VANGL1: variants seen among roughly 807,000 people sequenced by gnomAD.
VANGL1 encodes the protein VANGL planar cell polarity protein 1, also known as vang-like protein 1.
A neutral mutation model predicts 48.4 loss-of-function variants in VANGL1; 18 were observed. The ratio of observed to expected loss-of-function variants is 0.37; its 90% CI spans 0.26 to 0.55. The LOEUF is 0.55. VANGL1 is among the 20% of genes least tolerant of loss of function. The probability of loss-of-function intolerance (pLI) is 0.81; values close to 1 mark genes in which losing one functional copy is unlikely to be tolerated. For synonymous variants in VANGL1, 257 were observed against 261.8 expected (o/e 0.98, Z 0.18); for missense variants, 667 against 675.8 (o/e 0.99, Z 0.14).
chr1:115,645,419 G>T (rs1253051874), intron 1 of VANGL1, among the ~76,000 whole-genome samples: 1 of 152,182 alleles, frequency 6.6e-6, no homozygotes, highest in Non-Finnish European at 1.5e-5. Context: ...GCTAGGCACT[G>T]TTCTAATAAT....
At position 115,663,726 on chromosome 1, in the gene VANGL1, G is replaced by A. The variant is rs1184659387; in HGVS notation, c.270G>A (p.Glu90=). The change falls in exon 4 of 8, where the codon GAG becomes GAA. Residue 90 remains glutamate (E), a synonymous_variant. Transcript: ENST00000355485. The part of the protein sequence containing the change: ...TGTSEHSISQ[E]DIARISKDME... ...CCTCGGAGCACAGCATATCCCAAGA[G>A]GACATTGCCAGGATCAGCAAGGACA... The A allele has an allele frequency of 6.2e-7, 1 of 1,614,054 alleles. No individual in the cohort carries two copies. Among genetic ancestry groups the A allele is most frequent in the Non-Finnish European group, 8.5e-7 (1 of 1,180,030 alleles).
intron 2 of VANGL1, among the ~76,000 whole-genome samples, chr1:115,654,188 G>A (rs1406183666): frequency 6.6e-6 from 1 of 152,092 alleles, no homozygotes; most frequent in African/African-American, 2.4e-5. Context: ...GGTTGGGGTT[G>A]GAGGGGGACC....
At chr1:115,684,365 C>T (rs1360509552) in intron 6 of VANGL1, among the ~76,000 whole-genome samples, 1 of 152,086 alleles carries the variant, frequency 6.6e-6, no homozygotes, top group East Asian at 1.9e-4. Flanking sequence ...GTCTCAAACT[C>T]CTGACCTCGA....
intron 4 of VANGL1, among the ~76,000 whole-genome samples, chr1:115,679,657 C>G (rs1165402896): frequency 2.6e-5 from 4 of 152,250 alleles, no homozygotes; most frequent in African/African-American, 2.4e-5. Context: ...AATGGGATTC[C>G]CTTGACCCCT....
In VANGL1 at chr1:115,679,143, G is replaced by A. The variant is rs541291515; in HGVS notation, c.813-3221G>A. Among the ~76,000 whole-genome samples, 9 of 152,294 alleles carry A rather than the reference G, an allele frequency of 5.9e-5. No homozygotes were observed. In the South Asian group the frequency reaches 1.5e-3, roughly 25 times the overall value. ...TGAGAGCATGCACACTCTTGGAGGC[G>A]TTTATCAACTTCACCCTGAGATCTC... On this transcript the variant is annotated intron_variant, in intron 4 of 7. Coordinates refer to ENST00000355485, the MANE Select transcript of VANGL1 (RefSeq NM_138959.3).
rs1282778826 is a variant in VANGL1 at position 115,694,233 on chromosome 1, A to C, written c.*2854A>C. ...ATACTTTGGCTAAAATTCATAAAGTAAGCCCTAGAGAAAATACTTGACCAC... is the reference window on the plus strand; with the variant it reads ...ATACTTTGGCTAAAATTCATAAAGTCAGCCCTAGAGAAAATACTTGACCAC... On this transcript the variant is annotated 3_prime_UTR_variant, in exon 8 of 8. Transcript: ENST00000355485. 1 of 152,242 alleles carries C rather than the reference A, an allele frequency of 6.6e-6. No homozygotes were observed. The highest frequency in any genetic ancestry group is 1.9e-4 in the East Asian group (1 of 5,196). The allele number at this position is 152,242 out of a possible 1,614,324, so 9.4% of individuals were successfully genotyped here. A position where few individuals can be genotyped will look rare whatever the true frequency, so the allele number is the denominator to read the frequency against.
intron 2 of VANGL1, among the ~76,000 whole-genome samples, chr1:115,656,437 AT>A (rs2101319594): frequency 6.6e-6 from 1 of 152,280 alleles, no homozygotes; most frequent in African/African-American, 2.4e-5. Context: ...GCTGGGAAAA[AT>A]TTTGATTTCT....
intron 7 of VANGL1, among the ~76,000 whole-genome samples, chr1:115,689,187 C>T (rs1217240138): frequency 7.3e-6 from 1 of 137,730 alleles, no homozygotes; most frequent in Non-Finnish European, 1.6e-5. Flanking sequence ...TTTCATTTCT[C>T]TAATTGTTAT....
At chr1:115,661,515 C>T (rs1191411064) in intron 3 of VANGL1, among the ~76,000 whole-genome samples, 1 of 117,900 alleles carries the variant, frequency 8.5e-6, no homozygotes, top group African/African-American at 3.2e-5. Flanking sequence ...TATGTTTCAA[C>T]AGCTTATTCT....
intron 2 of VANGL1, among the ~76,000 whole-genome samples, chr1:115,656,751 A>G (rs1331289844): frequency 6.6e-6 from 1 of 152,222 alleles, no homozygotes; most frequent in South Asian, 2.1e-4. Flanking sequence ...CTGGCTGGCA[A>G]CAGAGGCTGT....
At chr1:115,657,199 G>A (rs762196308) in intron 2 of VANGL1, among the ~76,000 whole-genome samples, 1 of 152,158 alleles carries the variant, frequency 6.6e-6, no homozygotes. Flanking sequence ...CTAAGGTCAC[G>A]GTCCAATTGT....
intron 6 of VANGL1, 91 bp downstream of exon 6, chr1:115,684,167 C>T (rs1653506405): frequency 8.0e-7 from 1 of 1,257,656 alleles, no homozygotes; most frequent in Admixed American, 2.7e-5. Context: ...GAGACAGAAT[C>T]TCACTCTGTT....
chr1:115,685,582 G>T, intron 7 of VANGL1, 55 bp downstream of exon 7: 1 of 1,581,660 alleles, frequency 6.3e-7, no homozygotes, highest in African/African-American at 1.3e-5. Flanking sequence ...CACTGAGCTT[G>T]GCCAGTTGAA....
chr1:115,695,506 G>GT lies in VANGL1; in HGVS notation c.*4127_*4128insT, dbSNP rs1654002530. ...CTTGATTGGTATTCAGTGCAGTAGCGAAATGAGATAGTTTAGACACTGTTG... is the reference window on the plus strand; with the variant it reads ...CTTGATTGGTATTCAGTGCAGTAGCGTAAATGAGATAGTTTAGACACTGTTG... On this transcript the variant is annotated 3_prime_UTR_variant, in exon 8 of 8. Transcript: ENST00000355485. The GT allele has an allele frequency of 6.6e-6, 1 of 152,652 alleles. No homozygotes were observed. Among genetic ancestry groups the GT allele is most frequent in the Non-Finnish European group, 1.5e-5 (1 of 68,030 alleles). The allele number at this position is 152,652 out of a possible 1,614,324, so 9.5% of individuals were successfully genotyped here.
At position 115,685,274 on chromosome 1, in the gene VANGL1, G is replaced by C; in HGVS notation, c.1080-19G>C. The C allele has an allele frequency of 6.2e-7, 1 of 1,613,230 alleles. No individual in the cohort carries two copies. Among genetic ancestry groups the C allele is most frequent in the East Asian group, 2.2e-5 (1 of 44,858 alleles). ...TGGCAGGCACCATCCTGATTACTTA[G>C]TGTTGCATCACCTTCTAGGCTGGTG... On this transcript the variant is annotated intron_variant, in intron 6 of 7. Coordinates refer to ENST00000355485, the MANE Select transcript of VANGL1 (RefSeq NM_138959.3).
intron 4 of VANGL1, among the ~76,000 whole-genome samples, chr1:115,673,959 A>G (rs1653076508): frequency 6.6e-6 from 1 of 152,164 alleles, no homozygotes; most frequent in African/African-American, 2.4e-5. Flanking sequence ...TAACATCTGC[A>G]AAGACCCTGT....
chr1:115,673,022 G>A (rs1043079745), intron 4 of VANGL1, among the ~76,000 whole-genome samples: 3 of 152,216 alleles, frequency 2.0e-5, no homozygotes, highest in African/African-American at 7.2e-5. Flanking sequence ...CACCCTAGCT[G>A]CAGGTTTTCA....
chr1:115,657,490 T>A (rs931212104), intron 2 of VANGL1, among the ~76,000 whole-genome samples: 3 of 152,170 alleles, frequency 2.0e-5, no homozygotes, highest in African/African-American at 7.2e-5. Flanking sequence ...GGATTATTAT[T>A]AGGATTAAAT....
At chr1:115,674,859 T>G (rs147199717) in intron 4 of VANGL1, among the ~76,000 whole-genome samples, 45 of 152,272 alleles carry the variant, frequency 3.0e-4, no homozygotes, top group Non-Finnish European at 3.4e-4. Context: ...TTTAATAACA[T>G]GTAAGAATAC....
Sources: gnomAD v4.1 joint callset for allele counts (sites outside exome capture counted in the v4.1 genomes callset) on GRCh38, gnomAD v4.1.1 for gene constraint, MANE v1.5 for transcripts, NCBI Gene and HGNC (gene_info 2026-07-23, HGNC 2026-07-21) for gene names.